Variants in CDS2 observed in about 807,000 individuals in gnomAD.
CDS2 encodes the protein CDP-diacylglycerol synthase 2.
In CDS2, 47 loss-of-function variants were observed where a neutral mutation model predicts 59.0. That is an observed-to-expected ratio of 0.80 (90% confidence interval 0.63 to 1.02). The LOEUF is 1.02. CDS2 is among the 50% of genes least tolerant of loss of function. The pLI is 0.00. For synonymous variants in CDS2, 207 were observed against 206.4 expected, an observed-to-expected ratio of 1.00 and a Z score of -0.02; for missense variants, 356 against 558.9, an observed-to-expected ratio of 0.64 and a Z score of 3.66.
In CDS2 at chr20:5,186,768, T is replaced by C; in HGVS notation, c.910T>C (p.Cys304Arg). 1 of 1,614,164 alleles carries C rather than the reference T, an allele frequency of 6.2e-7. No individual in the cohort carries two copies. The highest frequency in any genetic ancestry group is 1.7e-5 in the Admixed American group (1 of 60,028). ...TGACACCAACAGCTTCACTGTGGAC[T>C]GTGAGCCCTCGGACCTGTTTCGCCT... ...NNDTNSFTVDCEPSDLFRLQE... is the reference protein window; with the variant it reads ...NNDTNSFTVDREPSDLFRLQE... The change falls in exon 10 of 13, where the codon TGT becomes CGT. Residue 304 changes from cysteine (C) to arginine (R), a missense_variant. Physicochemically the swap from Cys to Arg is radical, Grantham distance 180 (BLOSUM62 -3). Transcript: ENST00000460006.
intron 1 of CDS2, chr20:5,168,595 A>G (rs749915596): frequency 5.8e-6 from 3 of 518,532 alleles, no homozygotes; most frequent in Non-Finnish European, 1.2e-5. Context: ...GTCTTGAGAA[A>G]TATCCAGGTA....
intron 1 of CDS2, among the ~76,000 whole-genome samples, chr20:5,141,052 T>C (rs1281192795): frequency 3.3e-5 from 5 of 152,184 alleles, no homozygotes; most frequent in Non-Finnish European, 7.3e-5. Flanking sequence ...AAATAAAATC[T>C]CCCTCTCTGA....
At chr20:5,180,378 G>T (rs185076916) in intron 5 of CDS2, among the ~76,000 whole-genome samples, 3 of 151,926 alleles carry the variant, frequency 2.0e-5, no homozygotes, top group African/African-American at 7.3e-5. Flanking sequence ...GAGCAGCCCC[G>T]AGGGCTGCTG....
chr20:5,190,190 C>T lies in CDS2; in HGVS notation c.1294C>T (p.Leu432=). The T allele has an allele frequency of 6.2e-7, 1 of 1,614,092 alleles. No individual in the cohort carries two copies. The highest frequency in any genetic ancestry group is 8.5e-7 in the Non-Finnish European group (1 of 1,179,968). Residue 432 remains leucine (L), a synonymous_variant, in exon 13 of 13, where the codon CTG becomes TTG. Transcript: ENST00000460006. ...LHIFNTLRSH[L]IDKGMLTSTT... Reference sequence around the variant, plus strand: ...CATCTTCAACACGCTGCGGTCTCATCTGATCGACAAAGGGATGCTGACATC... The same window carrying T: ...CATCTTCAACACGCTGCGGTCTCATTTGATCGACAAAGGGATGCTGACATC...
chr20:5,166,480 C>T (rs2090914563), intron 1 of CDS2, among the ~76,000 whole-genome samples: 1 of 151,908 alleles, frequency 6.6e-6, no homozygotes, highest in African/African-American at 2.4e-5. Context: ...CAAGAAGAGA[C>T]AGCAGGGAGC....
intron 1 of CDS2, among the ~76,000 whole-genome samples, chr20:5,150,289 G>C (rs993738891): frequency 1.3e-5 from 2 of 152,212 alleles, no homozygotes; most frequent in African/African-American, 4.8e-5. Context: ...TGGATTATCA[G>C]AAGCATTGGC....
rs138056283 is a variant in CDS2 at position 5,172,431 on chromosome 20, C to T, written c.58-1092C>T. Among the ~76,000 whole-genome samples the T allele has an allele frequency of 7.5e-3, 1,136 of 152,248 alleles. 18 individuals carry two copies. The highest frequency in any genetic ancestry group is 0.026 in the African/African-American group (1,067 of 41,528). On this transcript the variant is annotated intron_variant, in intron 1 of 12. Coordinates refer to ENST00000460006, the MANE Select transcript of CDS2 (RefSeq NM_003818.4). The stretch of plus-strand genomic sequence containing the variant: ...ATAAAAAAAGGAAGGCAGAAAACTC[C>T]GTAGAAAAACTAGCCAGTGATTTGA...
intron 3 of CDS2, chr20:5,175,669 C>T (rs147994908): frequency 3.2e-4 from 56 of 176,960 alleles, no homozygotes; most frequent in African/African-American, 1.3e-3. Context: ...GCCTGTAATC[C>T]CAGCTACTCA....
chr20:5,143,767 CTTTTTTTTTT>C (rs373867800), intron 1 of CDS2, among the ~76,000 whole-genome samples: 2 of 102,522 alleles, frequency 2.0e-5, no homozygotes, highest in Non-Finnish European at 4.0e-5. Context: ...TCTTCTTCTT[CTTTTTTTTTT>C]TTTTTGAGAC....
intron 1 of CDS2, among the ~76,000 whole-genome samples, chr20:5,159,034 G>A (rs6053165): frequency 0.017 from 2,614 of 152,240 alleles, 81 homozygotes; most frequent in African/African-American, 0.059. Flanking sequence ...AAGGATAAGC[G>A]AGCCGCTTTG....
chr20:5,137,837 C>G (rs1217111486), intron 1 of CDS2, among the ~76,000 whole-genome samples: 1 of 151,366 alleles, frequency 6.6e-6, no homozygotes, highest in Admixed American at 6.6e-5. Context: ...CTCGCTCTGT[C>G]GCCCAGGCTG....
Position 5,184,894 on chromosome 20 carries a change from C to T in CDS2, c.708C>T (p.Asp236=), listed in dbSNP as rs2091056080. 1.2e-6 allele frequency: 2 copies of T among 1,613,944 alleles called. No homozygotes were observed. Among genetic ancestry groups the T allele is most frequent in the East Asian group, 4.5e-5 (2 of 44,874 alleles). The change falls in exon 8 of 13, where the codon GAC becomes GAT. Residue 236 remains aspartate, a synonymous_variant. Transcript: ENST00000460006. The surrounding 1 kb of genome is among the most constrained non-coding windows in gnomAD (Gnocchi z 4.3). ...CCATATCTTGTGTGATCTGTAATGA[C>T]ATCATGGCCTATATGTTTGGCTTTT... ...IVPISCVICN[D]IMAYMFGFFF... is the part of the protein sequence containing the mutation.
chr20:5,167,616 G>A (rs913401986), intron 1 of CDS2, among the ~76,000 whole-genome samples: 2 of 151,974 alleles, frequency 1.3e-5, no homozygotes, highest in Admixed American at 6.6e-5. Flanking sequence ...TCATTGAGAG[G>A]GCCACCTAAG....
At chr20:5,147,240 G>C (rs756481733) in intron 1 of CDS2, among the ~76,000 whole-genome samples, 1 of 152,190 alleles carries the variant, frequency 6.6e-6, no homozygotes, top group South Asian at 2.1e-4. Flanking sequence ...ACAGATCTAA[G>C]ATGCAATACA....
chr20:5,156,423 A>C (rs1276913688), intron 1 of CDS2, among the ~76,000 whole-genome samples: 1 of 152,108 alleles, frequency 6.6e-6, no homozygotes. Flanking sequence ...GAAAGTTTGC[A>C]CTGGAGCTTG....
At chr20:5,178,076 G>A (rs967014955) in intron 4 of CDS2, among the ~76,000 whole-genome samples, 16 of 152,318 alleles carry the variant, frequency 1.1e-4, no homozygotes, top group African/African-American at 3.6e-4. Flanking sequence ...AGTGATGGCT[G>A]CATGGTGCCA....
rs1469494442 is a variant in CDS2 at position 5,191,847 on chromosome 20, A to T, written c.*1613A>T. On this transcript the variant is annotated 3_prime_UTR_variant, in exon 13 of 13. Transcript: ENST00000460006. The stretch of plus-strand genomic sequence containing the variant: ...GTCCAAGGCCCCTTAAAAACAAAAC[A>T]TATTATCGCAAGGGCTTTCATTTCA... 6.6e-6 allele frequency: 1 copy of T among 152,176 alleles called. No homozygotes were observed. The highest frequency in any genetic ancestry group is 1.5e-5 in the Non-Finnish European group (1 of 68,042). 9.4% of individuals were successfully genotyped at this position (152,176 alleles called of 1,614,324 possible).
In CDS2 at chr20:5,173,564, G is replaced by A. The variant is rs780264922; in HGVS notation, c.99G>A (p.Ser33=). The A allele has an allele frequency of 1.7e-5, 27 of 1,614,198 alleles. No individual in the cohort carries two copies. The highest frequency in any genetic ancestry group is 1.8e-5 in the Non-Finnish European group (21 of 1,180,016). The stretch of plus-strand genomic sequence containing the variant: ...CAAAGGTAGATGGAGAGACTGCATC[G>A]GACAGTGAGAGCCGGGCAGAATCCG... The part of the protein sequence containing the change: ...SEAKVDGETA[S]DSESRAESAP... The change falls in exon 2 of 13, where the codon TCG becomes TCA. Residue 33 remains serine (S), a synonymous_variant. Coordinates refer to ENST00000460006, the MANE Select transcript of CDS2 (RefSeq NM_003818.4).
At chr20:5,162,467 T>C (rs2090882542) in intron 1 of CDS2, among the ~76,000 whole-genome samples, 1 of 152,154 alleles carries the variant, frequency 6.6e-6, no homozygotes, top group Non-Finnish European at 1.5e-5. Context: ...GTCAACTGAT[T>C]GACTAGGCAA....
Sources: allele counts gnomAD v4.1 joint callset (sites outside exome capture counted in the v4.1 genomes callset), GRCh38; gene constraint gnomAD v4.1.1; non-coding constraint Gnocchi (gnomAD v3.1); transcripts MANE v1.5; gene names NCBI Gene and HGNC (gene_info 2026-07-23, HGNC 2026-07-21).